Variants in PELI2 observed in about 807,000 individuals in gnomAD.
PELI2 encodes E3 ubiquitin-protein ligase pellino homolog 2.
In PELI2, 23 loss-of-function variants were observed where a neutral mutation model predicts 42.3. The observed-to-expected ratio is 0.54, with a 90% CI of 0.39 to 0.77. The LOEUF is 0.77. PELI2 is among the 30% of genes least tolerant of loss of function. The pLI is 0.00. For synonymous variants in PELI2, 245 were observed against 212.2 expected, an observed-to-expected ratio of 1.15 and a Z score of -1.34; for missense variants, 463 against 553.2, an observed-to-expected ratio of 0.84 and a Z score of 1.64.
chr14:56,236,746 C>T (rs1887809924), intron 2 of PELI2, among the ~76,000 whole-genome samples: 2 of 152,142 alleles, frequency 1.3e-5, no homozygotes, highest in African/African-American at 2.4e-5. Context: ...CCCTGGGGAG[C>T]ACTGGAAAGT....
At chr14:56,209,530 T>C (rs190180115) in intron 2 of PELI2, among the ~76,000 whole-genome samples, 1 of 127,616 alleles carries the variant, frequency 7.8e-6, no homozygotes, top group Non-Finnish European at 1.8e-5. Flanking sequence ...AATAGGTTTT[T>C]TTAATAAAAT....
At chr14:56,277,657 C>A (rs1298228018) in intron 2 of PELI2, among the ~76,000 whole-genome samples, 1 of 152,084 alleles carries the variant, frequency 6.6e-6, no homozygotes, top group Non-Finnish European at 1.5e-5. Context: ...GACCACTACT[C>A]TAGAGCACCC....
At chr14:56,132,525 C>T (rs1000577985) in intron 1 of PELI2, among the ~76,000 whole-genome samples, 15 of 152,242 alleles carry the variant, frequency 9.9e-5, no homozygotes, top group East Asian at 3.9e-4. Flanking sequence ...GAGTCACCCC[C>T]GCCCTGCTGC....
chr14:56,202,733 T>G (rs1886374207), intron 2 of PELI2, among the ~76,000 whole-genome samples: 1 of 152,136 alleles, frequency 6.6e-6, no homozygotes, highest in Non-Finnish European at 1.5e-5. Context: ...TGTTCTGCAG[T>G]GGTGGGAAGT....
Position 56,238,792 on chromosome 14 carries a change from T to C in PELI2, c.208-40884T>C, listed in dbSNP as rs114338493. Among the ~76,000 whole-genome samples the C allele has an allele frequency of 8.1e-3, 1,235 of 152,248 alleles. 23 individuals carry two copies. Among genetic ancestry groups the C allele is most frequent in the African/African-American group, 0.028 (1,184 of 41,548 alleles). ...GGCAGATTCCGGGCCCACGAACATATTTGACAGAGATGTTTAACCAGGAGG... is the reference window on the plus strand; with the variant it reads ...GGCAGATTCCGGGCCCACGAACATACTTGACAGAGATGTTTAACCAGGAGG... On this transcript the variant is annotated intron_variant, in intron 2 of 5. Transcript: ENST00000267460.
chr14:56,274,328 A>G (rs931442889), intron 2 of PELI2, among the ~76,000 whole-genome samples: 3 of 152,222 alleles, frequency 2.0e-5, no homozygotes, highest in Non-Finnish European at 2.9e-5. Flanking sequence ...AATCATAACT[A>G]TAATAAATTA....
rs933877511 is a variant in PELI2 at position 56,299,211 on chromosome 14, A to G, written c.*2045A>G. The G allele has an allele frequency of 1.3e-5, 2 of 152,210 alleles. No homozygotes were observed. Among genetic ancestry groups the G allele is most frequent in the African/African-American group, 4.8e-5 (2 of 41,456 alleles). 9.4% of individuals were successfully genotyped at this position (152,210 alleles called of 1,614,324 possible). On this transcript the variant is annotated 3_prime_UTR_variant, in exon 6 of 6. Transcript: ENST00000267460. ...AGGCCAGATTTTACCTACCAAGAAAAAAAGATATTTTTCCAGAGAGTTAGG... is the reference window on the plus strand; with the variant it reads ...AGGCCAGATTTTACCTACCAAGAAAGAAAGATATTTTTCCAGAGAGTTAGG...
intron 2 of PELI2, among the ~76,000 whole-genome samples, chr14:56,231,814 C>A (rs1360458404): frequency 6.6e-6 from 1 of 152,094 alleles, no homozygotes; most frequent in Non-Finnish European, 1.5e-5. Context: ...ATCAGTGAAT[C>A]CAGGAGCTGG....
chr14:56,129,541 C>T (rs149444522), intron 1 of PELI2, among the ~76,000 whole-genome samples: 462 of 152,336 alleles, frequency 3.0e-3, no homozygotes, highest in African/African-American at 0.01. Flanking sequence ...CTTGCTTTCC[C>T]TGGAGGCCCA....
intron 1 of PELI2, among the ~76,000 whole-genome samples, chr14:56,121,541 A>G (rs533035177): frequency 6.6e-6 from 1 of 152,346 alleles, no homozygotes; most frequent in South Asian, 2.1e-4. Context: ...AACTGAAGGT[A>G]GAGAAAAATG....
intron 2 of PELI2, among the ~76,000 whole-genome samples, chr14:56,230,593 G>A (rs1313905959): frequency 6.6e-6 from 1 of 152,152 alleles, no homozygotes; most frequent in Non-Finnish European, 1.5e-5. Context: ...AAGAGCTCCT[G>A]AAGGAAGCAC....
chr14:56,291,698 G>A (rs1470376945), intron 5 of PELI2, among the ~76,000 whole-genome samples: 1 of 152,244 alleles, frequency 6.6e-6, no homozygotes. Flanking sequence ...AGAGTAAGAA[G>A]TCAGTAAATG....
intron 2 of PELI2, among the ~76,000 whole-genome samples, chr14:56,209,022 T>G (rs921799175): frequency 6.6e-6 from 1 of 152,178 alleles, no homozygotes; most frequent in East Asian, 1.9e-4. Flanking sequence ...TCTGATGAAG[T>G]TGGTGGTGAT....
chr14:56,226,109 A>G (rs761689449), intron 2 of PELI2, among the ~76,000 whole-genome samples: 2 of 151,970 alleles, frequency 1.3e-5, no homozygotes, highest in Non-Finnish European at 2.9e-5. Context: ...AAGTCAGGTC[A>G]AGTGAGCCTG....
chr14:56,200,312 T>TATATTTGTAGTTG (rs1399381063), intron 2 of PELI2, among the ~76,000 whole-genome samples: 5 of 150,972 alleles, frequency 3.3e-5, no homozygotes, highest in South Asian at 4.2e-4. Flanking sequence ...TGCATATTTT[T>TATATTTGTAGTTG]TTTTACTTTC....
chr14:56,265,555 C>T (rs909773141), intron 2 of PELI2, among the ~76,000 whole-genome samples: 1 of 151,936 alleles, frequency 6.6e-6, no homozygotes, highest in African/African-American at 2.4e-5. Flanking sequence ...GGAAGAATTT[C>T]TTAGATATAA....
At chr14:56,265,660 G>A (rs1416507285) in intron 2 of PELI2, among the ~76,000 whole-genome samples, 1 of 152,024 alleles carries the variant, frequency 6.6e-6, no homozygotes, top group Non-Finnish European at 1.5e-5. Context: ...AGAATGCAAA[G>A]ACAAGGTACA....
At chr14:56,177,676 C>A (rs1291012680) in intron 1 of PELI2, among the ~76,000 whole-genome samples, 1 of 152,192 alleles carries the variant, frequency 6.6e-6, no homozygotes, top group Non-Finnish European at 1.5e-5. Flanking sequence ...CAGATGACTT[C>A]TAAGTTATTT....
intron 2 of PELI2, among the ~76,000 whole-genome samples, chr14:56,242,876 A>G (rs972966037): frequency 6.6e-6 from 1 of 152,206 alleles, no homozygotes; most frequent in African/African-American, 2.4e-5. Flanking sequence ...GGAGTGAAGG[A>G]TAAAAGACTA....
Sources: gnomAD v4.1 joint callset for allele counts (sites outside exome capture counted in the v4.1 genomes callset) on GRCh38, gnomAD v4.1.1 for gene constraint, MANE v1.5 for transcripts, NCBI Gene and HGNC (gene_info 2026-07-23, HGNC 2026-07-21) for gene names.